Variants in CC2D2B observed in about 807,000 individuals in gnomAD.
CC2D2B encodes the protein coiled-coil and C2 domain containing 2B.
CC2D2B carries 128 observed loss-of-function variants against 161.2 expected under a neutral mutation model. That is an observed-to-expected ratio of 0.79 (90% CI 0.69 to 0.92). The LOEUF (loss-of-function observed/expected upper bound fraction) is 0.92, where lower values mean the gene tolerates loss of function less well. Ranked by LOEUF, CC2D2B falls within the 40% of genes least tolerant of loss-of-function variation. The pLI is 0.00. For missense variants in CC2D2B, 1,173 were observed against 1,375.1 expected (o/e 0.85, Z 2.32); for synonymous variants, 391 against 449.8 (o/e 0.87, Z 1.65).
At chr10:95,993,748 CAT>C (rs1045824562) in intron 22 of CC2D2B, among the ~76,000 whole-genome samples, 2 of 141,362 alleles carry the variant, frequency 1.4e-5, no homozygotes, top group Non-Finnish European at 1.5e-5. Context: ...TATAACTTGT[CAT>C]ATATATATAG....
At chr10:95,947,450 TAAA>T (rs143961373) in intron 9 of CC2D2B, among the ~76,000 whole-genome samples, 1 of 150,432 alleles carries the variant, frequency 6.6e-6, no homozygotes, top group Non-Finnish European at 1.5e-5. Flanking sequence ...TGCTTTTACT[TAAA>T]AAAAAGGTGG....
intron 9 of CC2D2B, among the ~76,000 whole-genome samples, chr10:95,943,720 A>G (rs1337749839): frequency 6.6e-6 from 1 of 152,138 alleles, no homozygotes; most frequent in East Asian, 1.9e-4. Context: ...TTGGATCACT[A>G]TGAATCTTTT....
At chr10:96,009,523 G>A (rs533984085) in intron 25 of CC2D2B, among the ~76,000 whole-genome samples, 12 of 152,114 alleles carry the variant, frequency 7.9e-5, no homozygotes, top group Admixed American at 2.6e-4. Flanking sequence ...TAGTGTAAGA[G>A]CAGGATACTA....
intron 18 of CC2D2B, 97 bp from the exon 19 acceptor site, chr10:95,983,508 AT>A: frequency 2.2e-6 from 1 of 461,410 alleles, no homozygotes; most frequent in South Asian, 1.2e-4. Flanking sequence ...TCCTACTTAT[AT>A]TGCCACTCAG....
intron 2 of CC2D2B, chr10:95,919,891 C>G (rs2098523416): frequency 2.0e-5 from 3 of 151,812 alleles, no homozygotes; most frequent in Admixed American, 2.0e-4. Context: ...GTCCTCTCTG[C>G]TTTTCCCTTT....
chr10:96,010,017 A>C (rs1446048364), intron 26 of CC2D2B, 94 bp downstream of exon 26: 4 of 727,110 alleles, frequency 5.5e-6, no homozygotes, highest in South Asian at 5.2e-5. Context: ...TGTGATTGGC[A>C]GGCTGGTAGG....
intron 16 of CC2D2B, among the ~76,000 whole-genome samples, chr10:95,973,546 A>AG (rs2077209797): frequency 1.3e-5 from 2 of 152,028 alleles, no homozygotes; most frequent in Non-Finnish European, 2.9e-5. Context: ...AGAGGAGATG[A>AG]GGGAGAGCAC....
intron 11 of CC2D2B, among the ~76,000 whole-genome samples, chr10:95,959,769 T>G (rs1411738618): frequency 6.6e-6 from 1 of 150,870 alleles, no homozygotes; most frequent in African/African-American, 2.4e-5. Flanking sequence ...TGTTGATTAG[T>G]GTAATTTAAC....
intron 2 of CC2D2B, among the ~76,000 whole-genome samples, chr10:95,916,669 T>C (rs1251161601): frequency 1.3e-5 from 2 of 152,154 alleles, no homozygotes; most frequent in Non-Finnish European, 2.9e-5. Flanking sequence ...AGAGGCATAT[T>C]GTGTAATTTC....
rs543162836 is a variant in CC2D2B, at chr10:96,031,703, T to G, written c.4126-117T>G. 4 of 906,794 alleles carry G rather than the reference T, an allele frequency of 4.4e-6. No homozygotes were observed. In the African/African-American group the frequency reaches 5.0e-5, roughly 11 times the overall value. 56.2% of individuals were successfully genotyped at this position (906,794 alleles called of 1,614,324 possible). A position where few individuals can be genotyped will look rare whatever the true frequency, so the allele number is the denominator to read the frequency against. ...ACATAATTTGGCACCCACAGACAAC[T>G]ATTATAGTATTTTATGAGTACTATT... On this transcript the variant is annotated intron_variant, in intron 34 of 34. Transcript: ENST00000646931.
chr10:95,950,660 A>T (rs1421466679), intron 10 of CC2D2B: 2 of 152,188 alleles, frequency 1.3e-5, no homozygotes, highest in East Asian at 1.9e-4. Flanking sequence ...TTTTGATAGT[A>T]TGTCTCATTC....
chr10:95,943,521 A>G (rs566641748), intron 9 of CC2D2B, among the ~76,000 whole-genome samples: 1 of 152,306 alleles, frequency 6.6e-6, no homozygotes, highest in East Asian at 1.9e-4. Context: ...AGACCAGCCC[A>G]TCTGCTGACT....
chr10:96,027,118 C>T (rs1039661353), intron 33 of CC2D2B, 94 bp from the exon 34 acceptor site: 17 of 906,594 alleles, frequency 1.9e-5, no homozygotes, highest in African/African-American at 1.1e-4. Context: ...AGCGAGACTT[C>T]GTCTCAAAAA....
intron 30 of CC2D2B, among the ~76,000 whole-genome samples, chr10:96,017,315 T>G (rs1487666032): frequency 1.3e-5 from 2 of 152,220 alleles, no homozygotes; most frequent in African/African-American, 4.8e-5. Context: ...CATTGTTTAT[T>G]ATTTCATTGC....
intron 27 of CC2D2B, 80 bp downstream of exon 27, chr10:96,012,447 G>A (rs887490290): frequency 2.0e-6 from 2 of 991,780 alleles, no homozygotes; most frequent in Admixed American, 2.2e-5. Context: ...TAATTTCAAA[G>A]ATGGCAAAAA....
chr10:95,968,312 T>C (rs1258147000), intron 14 of CC2D2B, among the ~76,000 whole-genome samples: 1 of 152,166 alleles, frequency 6.6e-6, no homozygotes, highest in African/African-American at 2.4e-5. Flanking sequence ...TTTGTGTATA[T>C]AGTCTATGTG....
At chr10:95,969,101 T>G (rs1461050456) in intron 15 of CC2D2B, among the ~76,000 whole-genome samples, 200 bp downstream of exon 15, 1 of 151,986 alleles carries the variant, frequency 6.6e-6, no homozygotes, top group Non-Finnish European at 1.5e-5. Context: ...TTATTTGATT[T>G]GTAGTGTTCC....
At position 95,927,242 on chromosome 10, in the gene CC2D2B, T is replaced by A; in HGVS notation, c.246T>A (p.Ser82=). The change falls in exon 6 of 35, where the codon TCT becomes TCA. Residue 82 remains serine, a synonymous_variant. Coordinates refer to ENST00000646931, the MANE Select transcript of CC2D2B (RefSeq NM_001349008.3). ...TAAATACTGGTTTATCATAGTTGTC[T>A]CCACAGACTGAAGTCTCATTGGATG... ...DSEIHQRSKL[S]PQTEVSLDES... is the part of the protein sequence containing the mutation. 6.5e-7 allele frequency: 1 copy of A among 1,535,892 alleles called. No individual in the cohort carries two copies. The highest frequency in any genetic ancestry group is 8.8e-7 in the Non-Finnish European group (1 of 1,132,870).
At chr10:95,996,121 C>T in intron 23 of CC2D2B, 22 bp from the exon 24 acceptor site, 1 of 1,166,954 alleles carries the variant, frequency 8.6e-7, no homozygotes, top group Non-Finnish European at 1.2e-6. Flanking sequence ...AAAATCTAGT[C>T]AATGTTTATT....
Sources: allele counts gnomAD v4.1 joint callset (sites outside exome capture counted in the v4.1 genomes callset), GRCh38; gene constraint gnomAD v4.1.1; transcripts MANE v1.5; gene names NCBI Gene and HGNC (gene_info 2026-07-23, HGNC 2026-07-21).